Variants in RERE observed in about 807,000 individuals in gnomAD.
RERE encodes the protein arginine-glutamic acid dipeptide repeats protein.
In RERE, 40 loss-of-function variants were observed where a neutral mutation model predicts 146.1. The observed-to-expected ratio is 0.27, with a 90% CI of 0.21 to 0.36. The LOEUF (loss-of-function observed/expected upper bound fraction) is 0.36, where lower values mean the gene tolerates loss of function less well. RERE is among the 10% of genes least tolerant of loss of function. RERE has a pLI of 1.00. For synonymous variants in RERE, 1,003 were observed against 866.0 expected, an observed-to-expected ratio of 1.16 and a Z score of -2.78; for missense variants, 1,933 against 2,138.7, an observed-to-expected ratio of 0.90 and a Z score of 1.90.
At chr1:8,505,767 A>C (rs2124286261) in intron 8 of RERE, among the ~76,000 whole-genome samples, 1 of 152,278 alleles carries the variant, frequency 6.6e-6, no homozygotes, top group East Asian at 1.9e-4. Context: ...CTGAGCTGAA[A>C]TGATCTACCC....
chr1:8,352,407 T>C lies in RERE; in HGVS notation c.*2680A>G, dbSNP rs1201221701. On this transcript the variant is annotated 3_prime_UTR_variant, in exon 23 of 23. Coordinates refer to ENST00000400908, the MANE Select transcript of RERE (RefSeq NM_001042681.2). Reference sequence around the variant, plus strand: ...GTGCACGGGAGACACCCAAGGGTTGTAGTGTAGCTTGGTTTTATTTATGTC... The same window carrying C: ...GTGCACGGGAGACACCCAAGGGTTGCAGTGTAGCTTGGTTTTATTTATGTC... 2 of 152,456 alleles carry C rather than the reference T, an allele frequency of 1.3e-5. No individual in the cohort carries two copies. The highest frequency in any genetic ancestry group is 6.5e-5 in the Admixed American group (1 of 15,288). 9.4% of individuals were successfully genotyped at this position (152,456 alleles called of 1,614,324 possible).
chr1:8,515,769 A>G (rs1172043979), intron 7 of RERE, among the ~76,000 whole-genome samples: 1 of 152,216 alleles, frequency 6.6e-6, no homozygotes, highest in Non-Finnish European at 1.5e-5. Context: ...AGAAAAATCC[A>G]GACCAAAGGC....
At chr1:8,812,561 C>T (rs1010639473) in intron 1 of RERE, among the ~76,000 whole-genome samples, 8 of 152,230 alleles carry the variant, frequency 5.3e-5, no homozygotes, top group East Asian at 3.9e-4. Flanking sequence ...GCAGGAAAAT[C>T]GCTTGAACCT....
At chr1:8,788,628 G>A (rs1030506049) in intron 1 of RERE, among the ~76,000 whole-genome samples, 2 of 150,154 alleles carry the variant, frequency 1.3e-5, no homozygotes, top group African/African-American at 4.9e-5. Context: ...CTCCCAAAGT[G>A]CTGGGATTAC....
intron 11 of RERE, among the ~76,000 whole-genome samples, chr1:8,453,953 T>G (rs952315946): frequency 2.0e-5 from 3 of 152,220 alleles, no homozygotes; most frequent in African/African-American, 7.2e-5. Flanking sequence ...CATGTCTGTT[T>G]GGAAAACAGT....
chr1:8,619,186 G>T (rs1646889406), intron 3 of RERE, among the ~76,000 whole-genome samples: 1 of 152,168 alleles, frequency 6.6e-6, no homozygotes, highest in Non-Finnish European at 1.5e-5. Flanking sequence ...CATTTAGAAA[G>T]TAGGCTGTTA....
At chr1:8,360,046 C>T in intron 18 of RERE, 60 bp from the exon 19 acceptor site, 1 of 1,555,608 alleles carries the variant, frequency 6.4e-7, no homozygotes, top group Non-Finnish European at 8.8e-7. Context: ...GGCCCTCCCT[C>T]CCACCAGAAC....
At chr1:8,454,883 T>G (rs1644434089) in intron 11 of RERE, among the ~76,000 whole-genome samples, 1 of 152,044 alleles carries the variant, frequency 6.6e-6, no homozygotes, top group Non-Finnish European at 1.5e-5. Flanking sequence ...GAGATCATAC[T>G]TTCTTGAGGC....
intron 12 of RERE, among the ~76,000 whole-genome samples, chr1:8,401,038 CATATATATATATATATATATATAT>C (rs59752248): frequency 2.4e-4 from 14 of 57,486 alleles, no homozygotes; most frequent in Non-Finnish European, 2.1e-4. Context: ...AAAAAAAAAC[CATATATATATATATATATATATAT>C]ATATATATAT....
At chr1:8,572,231 C>A (rs184476015) in intron 4 of RERE, among the ~76,000 whole-genome samples, 1 of 152,272 alleles carries the variant, frequency 6.6e-6, no homozygotes, top group East Asian at 1.9e-4. Flanking sequence ...AGATAGGCAA[C>A]ATTCCCATTA....
intron 1 of RERE, among the ~76,000 whole-genome samples, chr1:8,758,518 AGTAG>A (rs1640691474): frequency 6.6e-6 from 1 of 151,636 alleles, no homozygotes. Flanking sequence ...CAGCCTCCTA[AGTAG>A]CTGGGACTAC....
At chr1:8,528,854 G>A (rs1048448432) in intron 7 of RERE, among the ~76,000 whole-genome samples, 12 of 152,070 alleles carry the variant, frequency 7.9e-5, no homozygotes, top group Admixed American at 6.6e-5. Context: ...AAAAGAGATA[G>A]AGGTTATCTC....
intron 7 of RERE, among the ~76,000 whole-genome samples, chr1:8,515,291 G>A (rs956930481): frequency 2.0e-5 from 3 of 152,048 alleles, no homozygotes; most frequent in African/African-American, 7.3e-5. Flanking sequence ...GAGCTCTGGA[G>A]TTTGAGGCTG....
At chr1:8,657,286 C>A (rs1305265345) in intron 1 of RERE, among the ~76,000 whole-genome samples, 3 of 117,624 alleles carry the variant, frequency 2.6e-5, no homozygotes, top group Non-Finnish European at 4.9e-5. Flanking sequence ...GCCTGGGCGA[C>A]AGAGCGAGAG....
At chr1:8,712,072 A>G (rs1557497237) in intron 1 of RERE, among the ~76,000 whole-genome samples, 1 of 152,218 alleles carries the variant, frequency 6.6e-6, no homozygotes, top group Non-Finnish European at 1.5e-5. Context: ...AAAGCCAATA[A>G]CTGCTCTCTA....
intron 1 of RERE, among the ~76,000 whole-genome samples, chr1:8,766,841 A>AAT (rs1290844898): frequency 2.0e-5 from 3 of 152,188 alleles, no homozygotes; most frequent in African/African-American, 7.2e-5. Flanking sequence ...AGAAGGTTTT[A>AAT]AGAAGGTTTT....
chr1:8,657,209 G>A (rs1312990291), intron 1 of RERE, among the ~76,000 whole-genome samples: 2 of 151,576 alleles, frequency 1.3e-5, no homozygotes, highest in Non-Finnish European at 2.9e-5. Context: ...GGAGTCTGAG[G>A]CAGGAGAATG....
intron 1 of RERE, among the ~76,000 whole-genome samples, chr1:8,794,970 G>C (rs1641439914): frequency 6.6e-6 from 1 of 151,972 alleles, no homozygotes; most frequent in Middle Eastern, 3.4e-3. Flanking sequence ...GCACCATCAC[G>C]CCCAGCTAAT....
At chr1:8,534,518 G>T (rs978978512) in intron 7 of RERE, among the ~76,000 whole-genome samples, 9 of 152,116 alleles carry the variant, frequency 5.9e-5, no homozygotes, top group African/African-American at 2.2e-4. Flanking sequence ...TTCTCAGAAG[G>T]TCAGAGAGCA....
Sources: allele counts gnomAD v4.1 joint callset (sites outside exome capture counted in the v4.1 genomes callset), GRCh38; gene constraint gnomAD v4.1.1; transcripts MANE v1.5; gene names NCBI Gene and HGNC (gene_info 2026-07-23, HGNC 2026-07-21).